The following ADGRL3 variants were observed in gnomAD, a reference collection of about 807,000 sequenced individuals.
The protein encoded by ADGRL3 is adhesion G protein-coupled receptor L3.
Under a neutral mutation model 153.5 loss-of-function variants are expected in ADGRL3, and 62 were observed. The ratio of observed to expected loss-of-function variants is 0.40; its 90% CI spans 0.33 to 0.50. The LOEUF (loss-of-function observed/expected upper bound fraction) is 0.50, where lower values mean the gene tolerates loss of function less well. Among genes scored for constraint, ADGRL3 ranks in the 20% least tolerant of loss-of-function variants. The pLI, the probability that ADGRL3 is intolerant of heterozygous loss-of-function variation, is 0.47. For synonymous variants in ADGRL3, 710 were observed against 672.5 expected (o/e 1.06, Z -0.86); for missense variants, 1,641 against 1,859.4 (o/e 0.88, Z 2.16).
intron 8 of ADGRL3, among the ~76,000 whole-genome samples, chr4:61,746,775 C>A (rs528802046): frequency 3.3e-5 from 5 of 152,168 alleles, no homozygotes; most frequent in South Asian, 2.1e-4. Flanking sequence ...AAAATTGACA[C>A]CCTAACATCA....
At chr4:61,881,880 A>G (rs1041989706) in intron 9 of ADGRL3, among the ~76,000 whole-genome samples, 2 of 152,224 alleles carry the variant, frequency 1.3e-5, no homozygotes, top group African/African-American at 4.8e-5. Context: ...AATAAAATAC[A>G]ATATTGAGGC....
intron 8 of ADGRL3, among the ~76,000 whole-genome samples, chr4:61,755,373 T>C (rs924139678): frequency 1.6e-4 from 25 of 152,234 alleles, no homozygotes; most frequent in Admixed American, 3.3e-4. Context: ...TGGCCAGTGA[T>C]GATGAGCATT....
At position 61,370,423 on chromosome 4, in the gene ADGRL3, T is replaced by C. The variant is rs1340013483; in HGVS notation, c.-239-12701T>C. ...TGAATGTGTCCCAGAGATTCTGGTA[T>C]GTTGTGTCTTTGTTCTCGTTGGTTT... On this transcript the variant is annotated intron_variant, in intron 1 of 26. Transcript: ENST00000683033. Among the ~76,000 whole-genome samples, 4 of 151,874 alleles carry C rather than the reference T, an allele frequency of 2.6e-5. No individual in the cohort carries two copies. In the East Asian group the frequency reaches 7.7e-4, roughly 29 times the overall value.
intron 1 of ADGRL3, among the ~76,000 whole-genome samples, chr4:61,344,571 A>G (rs1416709174): frequency 6.6e-6 from 1 of 152,100 alleles, no homozygotes; most frequent in Admixed American, 6.6e-5. Context: ...CAAGAAAGCT[A>G]TAAGACTTTT....
intron 2 of ADGRL3, among the ~76,000 whole-genome samples, chr4:61,470,941 A>G (rs1327504561): frequency 6.6e-6 from 1 of 151,948 alleles, no homozygotes; most frequent in Non-Finnish European, 1.5e-5. Flanking sequence ...CAAAGAATAT[A>G]TTTTAGAACA....
chr4:61,757,879 C>T (rs562476845), intron 8 of ADGRL3, among the ~76,000 whole-genome samples: 1 of 152,264 alleles, frequency 6.6e-6, no homozygotes, highest in East Asian at 1.9e-4. Context: ...TCGTTATGTA[C>T]CCAGTAGTCA....
intron 1 of ADGRL3, among the ~76,000 whole-genome samples, chr4:61,273,871 G>A (rs1036679860): frequency 7.2e-5 from 11 of 152,112 alleles, no homozygotes; most frequent in East Asian, 1.9e-4. Flanking sequence ...TTCCCACAAC[G>A]ATATCTGTTC....
chr4:62,032,270 TAATA>T (rs1722513196), intron 23 of ADGRL3, among the ~76,000 whole-genome samples: 1 of 151,332 alleles, frequency 6.6e-6, no homozygotes, highest in South Asian at 2.1e-4. Flanking sequence ...TGTAAGGACA[TAATA>T]TATATATATA....
At chr4:61,230,899 G>A (rs944532989) in intron 1 of ADGRL3, among the ~76,000 whole-genome samples, 6 of 152,190 alleles carry the variant, frequency 3.9e-5, no homozygotes, top group African/African-American at 1.4e-4. Flanking sequence ...CTGGGGAAAA[G>A]TGCTGATAAA....
chr4:61,679,311 G>A (rs72638536), intron 6 of ADGRL3, among the ~76,000 whole-genome samples: 20,720 of 151,960 alleles, frequency 0.14, 1,886 homozygotes, highest in Non-Finnish European at 0.2. Context: ...TATATCCTGC[G>A]TGGCCCATCT....
intron 9 of ADGRL3, among the ~76,000 whole-genome samples, chr4:61,835,304 A>T (rs1358160890): frequency 2.2e-5 from 3 of 138,024 alleles, no homozygotes; most frequent in Non-Finnish European, 4.5e-5. Flanking sequence ...TTATCTTAGG[A>T]CCTCTCATGT....
intron 17 of ADGRL3, among the ~76,000 whole-genome samples, chr4:61,963,480 A>G (rs2098995777): frequency 6.6e-6 from 1 of 151,934 alleles, no homozygotes; most frequent in South Asian, 2.1e-4. Flanking sequence ...TGTAGTCGAT[A>G]TTTATCTCCC....
At chr4:61,660,113 A>T (rs1342764797) in intron 5 of ADGRL3, among the ~76,000 whole-genome samples, 1 of 152,190 alleles carries the variant, frequency 6.6e-6, no homozygotes, top group Non-Finnish European at 1.5e-5. Context: ...TTTAGGCTTT[A>T]GTTGAATGAT....
intron 21 of ADGRL3, among the ~76,000 whole-genome samples, chr4:62,026,081 G>C (rs1427322162): frequency 6.6e-6 from 1 of 152,050 alleles, no homozygotes; most frequent in African/African-American, 2.4e-5. Context: ...GTGATCTTTA[G>C]ATTTTAAATC....
intron 4 of ADGRL3, among the ~76,000 whole-genome samples, chr4:61,534,162 A>G (rs960442256): frequency 2.0e-5 from 3 of 152,200 alleles, no homozygotes; most frequent in Non-Finnish European, 4.4e-5. Flanking sequence ...TTTTCTGCAT[A>G]TGGCTAGCCA....
At chr4:61,473,893 A>G (rs1425789299) in intron 2 of ADGRL3, among the ~76,000 whole-genome samples, 1 of 152,092 alleles carries the variant, frequency 6.6e-6, no homozygotes, top group Non-Finnish European at 1.5e-5. Context: ...ATAAAACATG[A>G]ACTTGTATAT....
intron 25 of ADGRL3, among the ~76,000 whole-genome samples, chr4:62,045,535 A>G (rs1220266540): frequency 6.6e-6 from 1 of 152,064 alleles, no homozygotes; most frequent in African/African-American, 2.4e-5. Context: ...GAAATAATGT[A>G]ATAATTATGG....
chr4:61,375,200 G>T (rs1349015668), intron 1 of ADGRL3, among the ~76,000 whole-genome samples: 1 of 151,986 alleles, frequency 6.6e-6, no homozygotes, highest in African/African-American at 2.4e-5. Flanking sequence ...GCATGTGTTG[G>T]CACAATAACT....
At chr4:61,683,194 C>T (rs1330999979) in intron 6 of ADGRL3, among the ~76,000 whole-genome samples, 1 of 151,362 alleles carries the variant, frequency 6.6e-6, no homozygotes, top group Non-Finnish European at 1.5e-5. Flanking sequence ...CTCACTGCAG[C>T]CTGGACCTCC....
Sources: allele counts gnomAD v4.1 joint callset (sites outside exome capture counted in the v4.1 genomes callset), GRCh38; gene constraint gnomAD v4.1.1; transcripts MANE v1.5; gene names NCBI Gene and HGNC (gene_info 2026-07-23, HGNC 2026-07-21).